GATAD2A: variants seen among roughly 807,000 people sequenced by gnomAD.
GATAD2A encodes the protein GATA zinc finger domain containing 2A, also known as transcriptional repressor p66-alpha.
A neutral mutation model predicts 68.5 loss-of-function variants in GATAD2A; 12 were observed. The ratio of observed to expected loss-of-function variants is 0.18; its 90% CI spans 0.11 to 0.28. GATAD2A has a LOEUF of 0.28. Ranked by LOEUF, GATAD2A falls within the 10% of genes least tolerant of loss-of-function variation. The probability of loss-of-function intolerance (pLI) is 1.00; values close to 1 mark genes in which losing one functional copy is unlikely to be tolerated. For synonymous variants in GATAD2A, 410 were observed against 375.3 expected (o/e 1.09, Z -1.07); for missense variants, 755 against 868.5 (o/e 0.87, Z 1.64).
At chr19:19,410,255 A>C (rs1036533062) in intron 1 of GATAD2A, among the ~76,000 whole-genome samples, 1 of 147,464 alleles carries the variant, frequency 6.8e-6, no homozygotes, top group Non-Finnish European at 1.5e-5. Flanking sequence ...CTAGCTTCTG[A>C]GATAGGATTT....
At chr19:19,474,144 A>T (rs1568318290) in intron 2 of GATAD2A, 1 of 985,154 alleles carries the variant, frequency 1.0e-6, no homozygotes, top group Non-Finnish European at 1.2e-6. Context: ...TTTTTGCAAG[A>T]TGTCTCTGAG....
At chr19:19,496,613 C>G (rs2060168460) in intron 7 of GATAD2A, among the ~76,000 whole-genome samples, 1 of 152,224 alleles carries the variant, frequency 6.6e-6, no homozygotes, top group African/African-American at 2.4e-5. Context: ...GGCACCGGAG[C>G]CCATGCCGCC....
chr19:19,475,166 C>T (rs566306949), intron 2 of GATAD2A, among the ~76,000 whole-genome samples: 344 of 152,310 alleles, frequency 2.3e-3, no homozygotes, highest in Non-Finnish European at 3.7e-3. Context: ...CCCGGCCCGC[C>T]GGCCGGCTGT....
At chr19:19,432,521 G>A (rs1276563610) in intron 1 of GATAD2A, among the ~76,000 whole-genome samples, 2 of 151,848 alleles carry the variant, frequency 1.3e-5, no homozygotes, top group Non-Finnish European at 1.5e-5. Flanking sequence ...GGATGGTTTC[G>A]AACCCCTGAC....
intron 1 of GATAD2A, among the ~76,000 whole-genome samples, chr19:19,456,380 C>T (rs964276538): frequency 6.6e-6 from 1 of 152,108 alleles, no homozygotes; most frequent in Non-Finnish European, 1.5e-5. Flanking sequence ...GCAGCCCACC[C>T]ATGCTCACGG....
chr19:19,507,180 T>A lies in GATAD2A; in HGVS notation c.*1706T>A, dbSNP rs2060899372. The A allele has an allele frequency of 7.6e-6, 1 of 132,156 alleles. No individual in the cohort carries two copies. The highest frequency in any genetic ancestry group is 2.9e-5 in the African/African-American group (1 of 34,958). The allele number at this position is 132,156 out of a possible 1,614,324, so 8.2% of individuals were successfully genotyped here. On this transcript the variant is annotated 3_prime_UTR_variant, in exon 12 of 12. Coordinates refer to ENST00000683918, the MANE Select transcript of GATAD2A (RefSeq NM_001384528.1). The stretch of plus-strand genomic sequence containing the variant: ...GGGAAGGGTGGCTTTCATTCCAAGA[T>A]CCAGGGATTTGGGGAAAAGGAAGGA...
intron 2 of GATAD2A, among the ~76,000 whole-genome samples, chr19:19,478,251 C>G (rs1008255862): frequency 1.3e-5 from 2 of 152,230 alleles, no homozygotes; most frequent in African/African-American, 2.4e-5. Context: ...TCTGTGGGCC[C>G]CAGACAGCAG....
rs1372051547 is a variant in GATAD2A, at chr19:19,507,416, C to T, written c.*1942C>T. On this transcript the variant is annotated 3_prime_UTR_variant, in exon 12 of 12. Coordinates refer to ENST00000683918, the MANE Select transcript of GATAD2A (RefSeq NM_001384528.1). ...GCTCCTCCCAGAAGGAGCACCCAGG[C>T]TGGCTTCTTCCCACTGAAAGCCCTC... 6.6e-6 allele frequency: 1 copy of T among 152,282 alleles called. No individual in the cohort carries two copies. Among genetic ancestry groups the T allele is most frequent in the Non-Finnish European group, 1.5e-5 (1 of 68,078 alleles). 9.4% of individuals were successfully genotyped at this position (152,282 alleles called of 1,614,324 possible). A position where few individuals can be genotyped will look rare whatever the true frequency, so the allele number is the denominator to read the frequency against.
chr19:19,443,710 A>G (rs2055367911), intron 1 of GATAD2A, among the ~76,000 whole-genome samples: 1 of 151,970 alleles, frequency 6.6e-6, no homozygotes, highest in Admixed American at 6.6e-5. Context: ...TGGATTTGAA[A>G]TTTTCCTTAA....
chr19:19,398,954 G>GA (rs940648502), intron 1 of GATAD2A, among the ~76,000 whole-genome samples: 6 of 152,162 alleles, frequency 3.9e-5, no homozygotes, highest in Non-Finnish European at 8.8e-5. Context: ...AGCTACTTGG[G>GA]AGGCTGAGGC....
At chr19:19,469,257 C>T (rs2058087648) in intron 2 of GATAD2A, among the ~76,000 whole-genome samples, 1 of 151,744 alleles carries the variant, frequency 6.6e-6, no homozygotes, top group African/African-American at 2.4e-5. Context: ...CAGTGAAACC[C>T]CGTCTCTACT....
At chr19:19,498,148 C>G (rs549409662) in intron 7 of GATAD2A, among the ~76,000 whole-genome samples, 1 of 152,242 alleles carries the variant, frequency 6.6e-6, no homozygotes, top group East Asian at 1.9e-4. Flanking sequence ...CCCTCACATT[C>G]ACATGGCGGA....
intron 2 of GATAD2A, among the ~76,000 whole-genome samples, chr19:19,477,210 G>A (rs1406845471): frequency 6.6e-6 from 1 of 152,188 alleles, no homozygotes; most frequent in African/African-American, 2.4e-5. Context: ...GAGGGTGGGA[G>A]ACAAGGGAGG....
At chr19:19,402,227 T>C (rs1260279013), upstream of GATAD2A, 1 of 151,836 alleles carries the variant, frequency 6.6e-6, no homozygotes, top group Non-Finnish European at 1.5e-5. Flanking sequence ...CTGGGCTAAT[T>C]TTTTCTTTTT....
At chr19:19,499,502 C>T (rs1019885259) in intron 8 of GATAD2A, among the ~76,000 whole-genome samples, 14 of 151,778 alleles carry the variant, frequency 9.2e-5, no homozygotes, top group Admixed American at 2.6e-4. Context: ...TTGGGAGCAG[C>T]GGGGTGGGTG....
chr19:19,496,104 T>G lies in GATAD2A; in HGVS notation c.809T>G (p.Leu270Arg), dbSNP rs1476898893. ...HSSTGPPPLL[L>R]APRASVPSVQ... ...AGCACAGGGCCACCGCCCCTCCTCC[T>G]GGCCCCCCGGGCGTCGGTGCCCAGT... Residue 270 changes from leucine (L) to arginine (R), a missense_variant, in exon 7 of 12, where the codon CTG becomes CGG. Leu to Arg is a moderately radical substitution (Grantham distance 102). Transcript: ENST00000683918. The G allele has an allele frequency of 6.2e-7, 1 of 1,613,600 alleles. No homozygotes were observed. The highest frequency in any genetic ancestry group is 8.5e-7 in the Non-Finnish European group (1 of 1,179,864).
chr19:19,402,868 G>T (rs1212750710), upstream of GATAD2A, among the ~76,000 whole-genome samples: 1 of 150,810 alleles, frequency 6.6e-6, no homozygotes, highest in Non-Finnish European at 1.5e-5. Flanking sequence ...CCGCCTCTTG[G>T]GTTCAGCGAT....
chr19:19,498,280 C>A (rs1248858298), intron 7 of GATAD2A, among the ~76,000 whole-genome samples, 163 bp from the exon 8 acceptor site: 1 of 152,254 alleles, frequency 6.6e-6, no homozygotes, highest in Non-Finnish European at 1.5e-5. Flanking sequence ...GCTGCCCTGG[C>A]TTCTGAGAGC....
intron 6 of GATAD2A, 27 bp downstream of exon 6, chr19:19,495,912 G>A: frequency 6.2e-7 from 1 of 1,602,714 alleles, no homozygotes; most frequent in South Asian, 1.1e-5. Context: ...ACATGGGGGA[G>A]ACCTGGCAGC....
Sources: gnomAD v4.1 joint callset for allele counts (sites outside exome capture counted in the v4.1 genomes callset) on GRCh38, gnomAD v4.1.1 for gene constraint, MANE v1.5 for transcripts, NCBI Gene and HGNC (gene_info 2026-07-23, HGNC 2026-07-21) for gene names.